The following STPG4 variants were observed in gnomAD, a reference collection of about 807,000 sequenced individuals.
STPG4 encodes the protein sperm-tail PG-rich repeat containing 4.
STPG4 carries 41 observed loss-of-function variants against 31.5 expected under a neutral mutation model. That is an observed-to-expected ratio of 1.30 (90% CI 1.01 to 1.69). The LOEUF is 1.69. STPG4 is among the 40% of genes most tolerant of loss of function. The pLI, the probability that STPG4 is intolerant of heterozygous loss-of-function variation, is 0.00. For missense variants in STPG4, 375 were observed against 293.4 expected (o/e 1.28, Z -2.03); for synonymous variants, 141 against 103.0 (o/e 1.37, Z -2.24).
intron 5 of STPG4, 78 bp from the exon 6 acceptor site, chr2:47,090,452 T>A (rs1212899281): frequency 3.3e-6 from 3 of 912,786 alleles, no homozygotes; most frequent in Non-Finnish European, 5.2e-6. Context: ...CTTCTACAAA[T>A]AAACATATGA....
rs1038477150 is a variant in STPG4 at position 47,106,745 on chromosome 2, G to A, written c.520-16371C>T. Among the ~76,000 whole-genome samples, 38 of 151,922 alleles carry A rather than the reference G, an allele frequency of 2.5e-4. 1 individual carries two copies. Among genetic ancestry groups the A allele is most frequent in the South Asian group, 2.1e-4 (1 of 4,806 alleles). On this transcript the variant is annotated intron_variant, in intron 5 of 6. Transcript: ENST00000445927. ...CTTTCAAATTCTTATGCCAACCTCC[G>A]GAGTTGGGCAACATGGCTTCTCCCC...
chr2:47,146,868 G>C (rs929258680), intron 3 of STPG4, among the ~76,000 whole-genome samples: 1 of 151,878 alleles, frequency 6.6e-6, no homozygotes, highest in African/African-American at 2.4e-5. Context: ...CTGGGTGCGT[G>C]ACTCATGCCT....
At chr2:47,101,245 C>G (rs571248762) in intron 5 of STPG4, among the ~76,000 whole-genome samples, 5 of 151,776 alleles carry the variant, frequency 3.3e-5, no homozygotes, top group Non-Finnish European at 7.4e-5. Context: ...TCTCTAACAA[C>G]CCCCGACTCT....
At chr2:47,093,536 C>A (rs749005288) in intron 5 of STPG4, among the ~76,000 whole-genome samples, 1 of 152,162 alleles carries the variant, frequency 6.6e-6, no homozygotes, top group Non-Finnish European at 1.5e-5. Context: ...TGATTCCACA[C>A]CTATGATGGC....
chr2:47,140,307 C>T (rs1432450972), intron 3 of STPG4, among the ~76,000 whole-genome samples: 1 of 152,134 alleles, frequency 6.6e-6, no homozygotes, highest in Non-Finnish European at 1.5e-5. Flanking sequence ...GAGTGCCTGA[C>T]ATATTTCAAA....
intron 3 of STPG4, among the ~76,000 whole-genome samples, chr2:47,139,281 G>A (rs1408509582): frequency 6.6e-6 from 1 of 152,092 alleles, no homozygotes; most frequent in Non-Finnish European, 1.5e-5. Context: ...CATACACATT[G>A]CCAAATATAA....
chr2:47,097,072 G>T (rs1433823696), intron 5 of STPG4, among the ~76,000 whole-genome samples: 2 of 152,208 alleles, frequency 1.3e-5, no homozygotes, highest in East Asian at 3.9e-4. Context: ...GATATGAGGG[G>T]CAAAGGCACG....
intron 5 of STPG4, among the ~76,000 whole-genome samples, chr2:47,090,877 T>C (rs1231947491): frequency 1.4e-5 from 2 of 147,390 alleles, no homozygotes; most frequent in Admixed American, 6.8e-5. Context: ...TAAACATAAA[T>C]AGGTGAACAC....
chr2:47,095,449 C>CT (rs1685650724), intron 5 of STPG4, among the ~76,000 whole-genome samples: 1 of 152,172 alleles, frequency 6.6e-6, no homozygotes, highest in Non-Finnish European at 1.5e-5. Context: ...GATTGTCCCT[C>CT]ACAGCACTCA....
chr2:47,145,602 C>G (rs1686805860), intron 3 of STPG4, among the ~76,000 whole-genome samples: 2 of 152,180 alleles, frequency 1.3e-5, no homozygotes, highest in Admixed American at 6.5e-5. Flanking sequence ...ACGAGCAATA[C>G]ACAGTTAAAG....
chr2:47,113,666 A>C (rs1686086118), intron 5 of STPG4, among the ~76,000 whole-genome samples: 1 of 152,242 alleles, frequency 6.6e-6, no homozygotes, highest in African/African-American at 2.4e-5. Context: ...TGATTGCTGA[A>C]GTTCTGTCAA....
chr2:47,087,807 C>T (rs549127971), intron 6 of STPG4, among the ~76,000 whole-genome samples: 1 of 151,956 alleles, frequency 6.6e-6, no homozygotes, highest in Non-Finnish European at 1.5e-5. Flanking sequence ...GAGTGTAGTG[C>T]GCGCTATCTC....
chr2:47,147,786 G>A (rs1686853447), intron 3 of STPG4, among the ~76,000 whole-genome samples: 1 of 151,834 alleles, frequency 6.6e-6, no homozygotes, highest in South Asian at 2.1e-4. Flanking sequence ...TGGAGAAGGT[G>A]GTCCCGTTTG....
chr2:47,109,574 A>T (rs982576975), intron 5 of STPG4, among the ~76,000 whole-genome samples: 2 of 152,036 alleles, frequency 1.3e-5, no homozygotes, highest in East Asian at 3.9e-4. Context: ...AAAAAAAAAA[A>T]AATTCTAGCA....
rs141614874 is a variant in STPG4, at chr2:47,129,982, G to T, written c.478C>A (p.Arg160Ser). 6.4e-7 allele frequency: 1 copy of T among 1,568,626 alleles called. No individual in the cohort carries two copies. The highest frequency in any genetic ancestry group is 1.4e-5 in the African/African-American group (1 of 73,892). Residue 160 changes from arginine (R) to serine (S), a missense_variant, in exon 5 of 7, where the codon CGC becomes AGC. Transcript: ENST00000445927. ...PKYASRSCVF[R>S]STVQRFPTTY... ...GTTGGGAATCTTTGAACTGTTGAGC[G>T]AAATACACAGCTCCTATATTTCAAA...
intron 3 of STPG4, among the ~76,000 whole-genome samples, chr2:47,146,382 G>A (rs1160481731): frequency 3.9e-5 from 6 of 151,992 alleles, no homozygotes; most frequent in South Asian, 2.1e-4. Context: ...TGCCCAAAAC[G>A]TCAGCAGTGC....
intron 5 of STPG4, among the ~76,000 whole-genome samples, chr2:47,096,155 C>T (rs6761720): frequency 0.02 from 3,022 of 152,270 alleles, 118 homozygotes; most frequent in African/African-American, 0.068. Flanking sequence ...ATTTCCTATG[C>T]TCATCAGCCT....
At chr2:47,100,575 C>T (rs540018629) in intron 5 of STPG4, among the ~76,000 whole-genome samples, 1 of 150,736 alleles carries the variant, frequency 6.6e-6, no homozygotes, top group East Asian at 1.9e-4. Flanking sequence ...GCAACCCACT[C>T]GAGTCCCCTT....
intron 5 of STPG4, among the ~76,000 whole-genome samples, chr2:47,120,059 G>A (rs1433628446): frequency 3.3e-5 from 5 of 152,142 alleles, no homozygotes; most frequent in African/African-American, 9.7e-5. Flanking sequence ...GGCCAGGGGC[G>A]GTGGCTCATG....
Sources: allele counts gnomAD v4.1 joint callset (sites outside exome capture counted in the v4.1 genomes callset), GRCh38; gene constraint gnomAD v4.1.1; transcripts MANE v1.5; gene names NCBI Gene and HGNC (gene_info 2026-07-23, HGNC 2026-07-21).